CADM2: variants seen among roughly 807,000 people sequenced by gnomAD.
The protein encoded by CADM2 is cell adhesion molecule 2.
A neutral mutation model predicts 49.8 loss-of-function variants in CADM2; 12 were observed. The observed-to-expected ratio is 0.24, with a 90% CI of 0.15 to 0.39. The LOEUF (loss-of-function observed/expected upper bound fraction) is 0.39. Among genes scored for constraint, CADM2 ranks in the 10% least tolerant of loss-of-function variants. The pLI, the probability that CADM2 is intolerant of heterozygous loss-of-function variation, is 1.00. For missense variants in CADM2, 378 were observed against 492.3 expected (o/e 0.77, Z 2.20); for synonymous variants, 214 against 175.4 (o/e 1.22, Z -1.74).
At chr3:84,975,159 G>A (rs1039029990) in intron 1 of CADM2, among the ~76,000 whole-genome samples, 8 of 151,760 alleles carry the variant, frequency 5.3e-5, no homozygotes, top group Admixed American at 1.3e-4. Flanking sequence ...ATGTTATTAA[G>A]ATAATTGTGC....
chr3:85,120,383 C>T (rs112452759), intron 1 of CADM2, among the ~76,000 whole-genome samples: 203 of 152,194 alleles, frequency 1.3e-3, no homozygotes, highest in African/African-American at 4.3e-3. Context: ...AACATGTACA[C>T]GTATATTTAT....
intron 1 of CADM2, among the ~76,000 whole-genome samples, chr3:85,397,895 C>G (rs2034874589): frequency 6.6e-6 from 1 of 151,962 alleles, no homozygotes; most frequent in Non-Finnish European, 1.5e-5. Context: ...AATATTTTAC[C>G]ACAATTAAAA....
At chr3:85,660,353 A>G (rs1046706928) in intron 1 of CADM2, among the ~76,000 whole-genome samples, 6 of 152,050 alleles carry the variant, frequency 3.9e-5, no homozygotes, top group African/African-American at 1.4e-4. Flanking sequence ...TTCAGAGAAC[A>G]GCAGATAGTC....
intron 1 of CADM2, among the ~76,000 whole-genome samples, chr3:85,650,819 T>G (rs537309084): frequency 6.6e-6 from 1 of 151,068 alleles, no homozygotes; most frequent in African/African-American, 2.4e-5. Flanking sequence ...TTTAAATTTA[T>G]AAAGCACCAT....
intron 1 of CADM2, among the ~76,000 whole-genome samples, chr3:85,557,401 T>A (rs995460463): frequency 1.3e-5 from 2 of 151,932 alleles, no homozygotes; most frequent in Non-Finnish European, 2.9e-5. Context: ...GACTCAATTT[T>A]TCAAAATAAT....
At chr3:85,602,902 T>A (rs895411359) in intron 1 of CADM2, among the ~76,000 whole-genome samples, 1 of 151,816 alleles carries the variant, frequency 6.6e-6, no homozygotes, top group African/African-American at 2.4e-5. Flanking sequence ...ACCCCCTTAG[T>A]TTCCAGTATC....
chr3:85,146,426 C>T (rs753051191), intron 1 of CADM2, among the ~76,000 whole-genome samples: 11 of 151,866 alleles, frequency 7.2e-5, no homozygotes, highest in South Asian at 2.1e-4. Flanking sequence ...CAGGTAGAAG[C>T]GACAAATACA....
intron 2 of CADM2, among the ~76,000 whole-genome samples, chr3:85,785,608 T>A (rs1380569056): frequency 6.6e-6 from 1 of 152,052 alleles, no homozygotes; most frequent in Non-Finnish European, 1.5e-5. Context: ...AGACAGGTGA[T>A]ACAACAGAAT....
intron 1 of CADM2, among the ~76,000 whole-genome samples, chr3:85,306,835 A>G (rs1023515409): frequency 4.0e-5 from 6 of 151,868 alleles, no homozygotes; most frequent in African/African-American, 1.4e-4. Flanking sequence ...TCCAATATAT[A>G]TGGAATAAAT....
Position 85,734,976 on chromosome 3 carries a change from A to ATGTG in CADM2, c.88+8429_88+8430insGTGT, listed in dbSNP as rs760487519. Among the ~76,000 whole-genome samples the ATGTG allele has an allele frequency of 2.0e-3, 232 of 113,610 alleles. 1 individual carries two copies. The highest frequency in any genetic ancestry group is 0.017 in the South Asian group (58 of 3,488). 74.5% of individuals were successfully genotyped at this position (113,610 alleles called of 152,430 possible). A position where few individuals can be genotyped will look rare whatever the true frequency, so the allele number is the denominator to read the frequency against. On this transcript the variant is annotated intron_variant, in intron 2 of 9. Coordinates refer to ENST00000383699, the MANE Select transcript of CADM2 (RefSeq NM_001167675.2). ...TAAAATGTAGCAACTAGAAATATAT[A>ATGTG]TATGTGTGTGTGTGTGTGTGTGTAT...
At position 85,458,547 on chromosome 3, in the gene CADM2, C is replaced by T. The variant is rs73140735; in HGVS notation, c.62-267975C>T. Among the ~76,000 whole-genome samples, 906 of 152,274 alleles carry T rather than the reference C, an allele frequency of 5.9e-3. 4 individuals carry two copies. The highest frequency in any genetic ancestry group is 8.5e-3 in the Non-Finnish European group (578 of 68,018). On this transcript the variant is annotated intron_variant, in intron 1 of 9. Coordinates refer to ENST00000383699, the MANE Select transcript of CADM2 (RefSeq NM_001167675.2). ...TCATATTGAACTGCATCTTGCCGTT[C>T]TTTTCCAGAATGTAGGTAGGTAAAG...
Position 85,154,278 on chromosome 3 carries a change from A to T in CADM2, c.61+194610A>T, listed in dbSNP as rs2040027451. ...TGGAGCTGAAAACCAAGGCTCGAGA[A>T]CTATGTGAAGAATGCAGAAGCCTCA... On this transcript the variant is annotated intron_variant, in intron 1 of 9. Coordinates refer to ENST00000383699, the MANE Select transcript of CADM2 (RefSeq NM_001167675.2). 4.6e-5 allele frequency among the ~76,000 whole-genome samples: 7 copies of T among 152,344 alleles called. No individual in the cohort carries two copies. The South Asian group carries it at 1.4e-3, about 32-fold the overall frequency.
chr3:85,241,095 T>C (rs1450482336), intron 1 of CADM2, among the ~76,000 whole-genome samples: 3 of 151,484 alleles, frequency 2.0e-5, no homozygotes, highest in Non-Finnish European at 3.0e-5. Flanking sequence ...TCATTTGAGA[T>C]TGAGTTCCTG....
intron 8 of CADM2, among the ~76,000 whole-genome samples, chr3:85,997,753 A>G (rs1385011153): frequency 2.6e-5 from 4 of 152,140 alleles, no homozygotes; most frequent in Admixed American, 1.3e-4. Context: ...ACTTGCTGTT[A>G]TAAGATGAAA....
At chr3:85,943,470 T>G (rs978127480) in intron 7 of CADM2, among the ~76,000 whole-genome samples, 1 of 149,422 alleles carries the variant, frequency 6.7e-6, no homozygotes, top group African/African-American at 2.5e-5. Context: ...TGGTTTTAGG[T>G]CTAACGTTTA....
chr3:85,851,153 A>G (rs111573174), intron 3 of CADM2, among the ~76,000 whole-genome samples: 2 of 152,226 alleles, frequency 1.3e-5, no homozygotes, highest in African/African-American at 4.8e-5. Context: ...GTAGTTTAAA[A>G]TAAACATATG....
At chr3:85,924,157 A>G (rs1719516521) in intron 6 of CADM2, among the ~76,000 whole-genome samples, 1 of 152,196 alleles carries the variant, frequency 6.6e-6, no homozygotes, top group Admixed American at 6.5e-5. Flanking sequence ...TTTTAAACCT[A>G]TTTTTAAAAT....
At chr3:85,849,670 G>A (rs948376963) in intron 3 of CADM2, among the ~76,000 whole-genome samples, 6 of 152,048 alleles carry the variant, frequency 3.9e-5, no homozygotes, top group Admixed American at 1.3e-4. Context: ...TATAAGCCAC[G>A]CCTGGTGTTT....
intron 8 of CADM2, among the ~76,000 whole-genome samples, chr3:85,996,115 AAAAAT>A (rs1729381970): frequency 6.6e-6 from 1 of 150,628 alleles, no homozygotes; most frequent in Non-Finnish European, 1.5e-5. Flanking sequence ...AAATAAAAAT[AAAAAT>A]AAAATAAAAT....
Sources: gnomAD v4.1 joint callset for allele counts (sites outside exome capture counted in the v4.1 genomes callset) on GRCh38, gnomAD v4.1.1 for gene constraint, MANE v1.5 for transcripts, NCBI Gene and HGNC (gene_info 2026-07-23, HGNC 2026-07-21) for gene names.